Variants in KAZN observed in about 807,000 individuals in gnomAD.
The protein encoded by KAZN is kazrin, periplakin interacting protein.
In KAZN, 40 loss-of-function variants were observed where a neutral mutation model predicts 87.4. The observed-to-expected ratio is 0.46, with a 90% CI of 0.36 to 0.60. The LOEUF is 0.60. Among genes scored for constraint, KAZN ranks in the 20% least tolerant of loss-of-function variants. KAZN has a pLI of 0.00. For missense variants in KAZN, 898 were observed against 1,073.9 expected (o/e 0.84, Z 2.29); for synonymous variants, 466 against 458.3 (o/e 1.02, Z -0.22).
chr1:14,504,750 A>G (rs1670461036), intron 2 of KAZN, among the ~76,000 whole-genome samples: 1 of 152,208 alleles, frequency 6.6e-6, no homozygotes, highest in Admixed American at 6.5e-5. Context: ...TTAATGAAGA[A>G]TTTCCTGCTC....
chr1:14,565,982 T>C (rs1463869588), intron 2 of KAZN, among the ~76,000 whole-genome samples: 1 of 152,214 alleles, frequency 6.6e-6, no homozygotes, highest in Non-Finnish European at 1.5e-5. Context: ...CCTTTTAATG[T>C]TGATGTTTTG....
chr1:14,838,254 A>G (rs1315481375), intron 1 of KAZN, among the ~76,000 whole-genome samples: 1 of 152,248 alleles, frequency 6.6e-6, no homozygotes, highest in African/African-American at 2.4e-5. Flanking sequence ...AGGAGCCCTC[A>G]TGACCTAATC....
intron 1 of KAZN, among the ~76,000 whole-genome samples, chr1:14,955,692 G>GA (rs950387132): frequency 3.4e-4 from 52 of 152,346 alleles, no homozygotes; most frequent in Non-Finnish European, 6.3e-4. Flanking sequence ...GTGCACGCAG[G>GA]AAAAAATCTG....
intron 2 of KAZN, among the ~76,000 whole-genome samples, chr1:14,450,417 C>T (rs1667208647): frequency 1.3e-5 from 2 of 152,138 alleles, no homozygotes; most frequent in African/African-American, 2.4e-5. Context: ...GGTGAAACCC[C>T]GTCTCTACTA....
intron 1 of KAZN, among the ~76,000 whole-genome samples, chr1:14,064,159 C>T (rs956392920): frequency 2.0e-5 from 3 of 152,132 alleles, no homozygotes; most frequent in African/African-American, 7.2e-5. Context: ...CTCATGATCC[C>T]TTGGAAGTAT....
intron 1 of KAZN, among the ~76,000 whole-genome samples, chr1:14,871,681 T>TGTGTGTGTGC (rs756984653): frequency 4.0e-5 from 6 of 151,106 alleles, no homozygotes; most frequent in South Asian, 2.1e-4. Flanking sequence ...TGTGTGTGTG[T>TGTGTGTGTGC]GCACCTGCAT....
At chr1:13,977,356 A>G (rs1638415810) in intron 1 of KAZN, among the ~76,000 whole-genome samples, 1 of 152,226 alleles carries the variant, frequency 6.6e-6, no homozygotes, top group Non-Finnish European at 1.5e-5. Flanking sequence ...AAATGAGGAT[A>G]ATTTTACTTA....
At chr1:14,279,370 C>T (rs1338402671) in intron 2 of KAZN, among the ~76,000 whole-genome samples, 5 of 152,188 alleles carry the variant, frequency 3.3e-5, no homozygotes, top group Non-Finnish European at 5.9e-5. Flanking sequence ...GCCTCTCCAC[C>T]CTCATGTGCA....
chr1:14,534,625 C>CCA (rs1166440022), intron 2 of KAZN, among the ~76,000 whole-genome samples: 2 of 151,014 alleles, frequency 1.3e-5, no homozygotes, highest in African/African-American at 4.9e-5. Context: ...AGCCTGGGAG[C>CCA]CAGAGCGAGA....
intron 1 of KAZN, among the ~76,000 whole-genome samples, chr1:14,179,817 A>G (rs1646158318): frequency 6.6e-6 from 1 of 152,242 alleles, no homozygotes; most frequent in African/African-American, 2.4e-5. Context: ...TCCATTGTAG[A>G]GAAAATAGAG....
chr1:14,398,704 G>A (rs1347189934), intron 2 of KAZN, among the ~76,000 whole-genome samples: 1 of 152,158 alleles, frequency 6.6e-6, no homozygotes, highest in Non-Finnish European at 1.5e-5. Flanking sequence ...TATCTTCTCT[G>A]AGAAATAAGC....
intron 8 of KAZN, among the ~76,000 whole-genome samples, chr1:15,078,583 G>A (rs1380413948): frequency 6.6e-6 from 1 of 152,148 alleles, no homozygotes; most frequent in Non-Finnish European, 1.5e-5. Flanking sequence ...AAGGCGGGGA[G>A]CAGGGATCAC....
chr1:14,718,813 T>C (rs1177087591), intron 1 of KAZN, among the ~76,000 whole-genome samples: 2 of 152,218 alleles, frequency 1.3e-5, no homozygotes, highest in African/African-American at 4.8e-5. Context: ...TCTGCTTTTA[T>C]CTTAGGGCTA....
chr1:14,258,785 A>C (rs532809974), intron 2 of KAZN, among the ~76,000 whole-genome samples: 1 of 152,172 alleles, frequency 6.6e-6, no homozygotes, highest in South Asian at 2.1e-4. Flanking sequence ...TGTTCTTAGA[A>C]TCTCACCTGG....
chr1:14,469,440 T>C (rs1325865187), intron 2 of KAZN, among the ~76,000 whole-genome samples: 3 of 152,340 alleles, frequency 2.0e-5, no homozygotes, highest in Non-Finnish European at 4.4e-5. Flanking sequence ...TTTCACTCCA[T>C]TCCATTCCAG....
intron 1 of KAZN, among the ~76,000 whole-genome samples, chr1:14,951,546 G>A (rs945501529): frequency 2.0e-5 from 3 of 151,642 alleles, no homozygotes; most frequent in South Asian, 2.1e-4. Flanking sequence ...GCACAATCTC[G>A]GTTCACTGCA....
intron 1 of KAZN, among the ~76,000 whole-genome samples, chr1:14,109,816 T>TGGAGTCTCGCTCTGTCG (rs1291749271): frequency 1.0e-4 from 15 of 150,490 alleles, no homozygotes; most frequent in African/African-American, 3.7e-4. Flanking sequence ...ATCAAAACGA[T>TGGAGTCTCGCTCTGTCG]TTCAGCGTCA....
At chr1:14,739,388 G>T (rs141067564) in intron 1 of KAZN, among the ~76,000 whole-genome samples, 2 of 152,008 alleles carry the variant, frequency 1.3e-5, no homozygotes, top group Non-Finnish European at 2.9e-5. Context: ...TGCTGGCATC[G>T]GAAGTACAAG....
intron 1 of KAZN, among the ~76,000 whole-genome samples, chr1:13,979,559 A>C (rs1030514027): frequency 1.3e-5 from 2 of 152,238 alleles, no homozygotes; most frequent in African/African-American, 2.4e-5. Flanking sequence ...TCCAGGAAGG[A>C]TTAGAAAGAA....
Sources: allele counts gnomAD v4.1 joint callset (sites outside exome capture counted in the v4.1 genomes callset), GRCh38; gene constraint gnomAD v4.1.1; transcripts MANE v1.5; gene names NCBI Gene and HGNC (gene_info 2026-07-23, HGNC 2026-07-21).